SPDYE5: variants seen among roughly 807,000 people sequenced by gnomAD.
SPDYE5 encodes speedy/RINGO cell cycle regulator family member E5.
SPDYE5 carries 15 observed loss-of-function variants against 48.5 expected under a neutral mutation model. That is an observed-to-expected ratio of 0.31 (90% confidence interval 0.21 to 0.48). The LOEUF is 0.48. SPDYE5 is among the 20% of genes least tolerant of loss of function. The pLI is 0.99. For missense variants in SPDYE5, 331 were observed against 549.1 expected (o/e 0.60, Z 3.97); for synonymous variants, 116 against 200.7 (o/e 0.58, Z 3.57).
In SPDYE5 at chr7:75,494,166, C is replaced by T; in HGVS notation, c.119C>T (p.Pro40Leu). 2 of 1,535,064 alleles carry T rather than the reference C, an allele frequency of 1.3e-6. No individual in the cohort carries two copies. The highest frequency in any genetic ancestry group is 1.7e-6 in the Non-Finnish European group (2 of 1,146,732). Residue 40 changes from proline to leucine, a missense_variant, in exon 2 of 9, where the codon CCC (proline) becomes CTC (leucine). This residue lies in a region of SPDYE5 where 67 missense variants were observed against 55.7 expected (regional missense o/e 1.20). Transcript: ENST00000625065. The stretch of plus-strand genomic sequence containing the variant: ...CCCCAGCGGAGCACCTCGGGGTACC[C>T]CCTCCAGGAGGTGGTGGATGATGAA... ...QSPQRSTSGY[P>L]LQEVVDDEVL...
At chr7:75,491,836 C>G (rs1379682342), upstream of SPDYE5, among the ~76,000 whole-genome samples, 1 of 150,124 alleles carries the variant, frequency 6.7e-6, no homozygotes, top group Non-Finnish European at 1.5e-5. Context: ...CCTCGGCCTC[C>G]TAAGTAGCTG....
intron 1 of SPDYE5, among the ~76,000 whole-genome samples, chr7:75,493,316 T>C (rs1374361242): frequency 6.7e-3 from 955 of 143,544 alleles, no homozygotes; most frequent in Admixed American, 0.011. Context: ...TCAGGGGCAG[T>C]TTCCTATGAT....
intron 1 of SPDYE5, among the ~76,000 whole-genome samples, chr7:75,492,808 T>G (rs1792785147): frequency 6.6e-6 from 1 of 151,918 alleles, no homozygotes; most frequent in African/African-American, 2.4e-5. Context: ...CAAAAAAAAT[T>G]TTTTTGACAC....
At chr7:75,500,880 G>T (rs1793120790) in intron 6 of SPDYE5, among the ~76,000 whole-genome samples, 1 of 152,008 alleles carries the variant, frequency 6.6e-6, no homozygotes, top group South Asian at 2.1e-4. Context: ...GCTGATTTTT[G>T]TATTTTTAGT....
intron 5 of SPDYE5, 70 bp downstream of exon 5, chr7:75,498,066 C>G (rs1452575735): frequency 7.0e-6 from 11 of 1,572,044 alleles, no homozygotes; most frequent in Non-Finnish European, 9.5e-6. Flanking sequence ...GCTTCCAAAC[C>G]CACAGTTCTC....
In SPDYE5 at chr7:75,503,768, A is replaced by G. The variant is rs1204240445; in HGVS notation, c.*981A>G. 2 of 149,404 alleles carry G rather than the reference A, an allele frequency of 1.3e-5. No homozygotes were observed. The highest frequency in any genetic ancestry group is 1.9e-4 in the East Asian group (1 of 5,164). The allele number at this position is 149,404 out of a possible 1,614,324, so 9.3% of individuals were successfully genotyped here. A position where few individuals can be genotyped will look rare whatever the true frequency, so the allele number is the denominator to read the frequency against. Reference sequence around the variant, plus strand: ...AAAAACATGGGTATAGAATTATTTAAATATTATTTTATTTATTGAAATATT... The same window carrying G: ...AAAAACATGGGTATAGAATTATTTAGATATTATTTTATTTATTGAAATATT... On this transcript the variant is annotated 3_prime_UTR_variant, in exon 9 of 9. Transcript: ENST00000625065.
At position 75,503,595 on chromosome 7, in the gene SPDYE5, A is replaced by G. The variant is rs1554483949; in HGVS notation, c.*808A>G. The G allele has an allele frequency of 6.6e-6, 1 of 151,490 alleles. No homozygotes were observed. Among genetic ancestry groups the G allele is most frequent in the Admixed American group, 6.6e-5 (1 of 15,202 alleles). 9.4% of individuals were successfully genotyped at this position (151,490 alleles called of 1,614,324 possible). ...TAGCTATTGGTAGTTCCCCACCACA[A>G]AAAAAACATAATTCTGGTGATAGAA... On this transcript the variant is annotated 3_prime_UTR_variant, in exon 9 of 9. Coordinates refer to ENST00000625065, the MANE Select transcript of SPDYE5 (RefSeq NM_001306141.4).
upstream of SPDYE5, among the ~76,000 whole-genome samples, chr7:75,491,897 G>C (rs587711814): frequency 4.9e-4 from 74 of 151,722 alleles, no homozygotes; most frequent in African/African-American, 1.5e-3. Flanking sequence ...TGTATTTTTA[G>C]TAGAGACGGA....
intron 8 of SPDYE5, 86 bp from the exon 9 acceptor site, chr7:75,502,747 A>C: frequency 9.3e-7 from 1 of 1,078,936 alleles, no homozygotes; most frequent in Non-Finnish European, 1.2e-6. Context: ...ATTGCTCTGA[A>C]CTCTAGACTT....
intron 6 of SPDYE5, among the ~76,000 whole-genome samples, chr7:75,499,722 G>A (rs1447117302): frequency 8.2e-5 from 11 of 134,110 alleles, no homozygotes; most frequent in African/African-American, 2.9e-4. Flanking sequence ...AGCTAAGGTC[G>A]AGCCACCGCA....
Position 75,502,347 on chromosome 7 carries a change from A to T in SPDYE5, c.*45+365A>T, listed in dbSNP as rs190267671. 3.6e-3 allele frequency among the ~76,000 whole-genome samples: 545 copies of T among 151,582 alleles called. 2 individuals carry two copies. The highest frequency in any genetic ancestry group is 0.012 in the African/African-American group (515 of 41,216). ...CCGATTTGGGTCGAGGGTTCAGTGA[A>T]GCTTTGGTTTACATCTTGTGCAGCT... On this transcript the variant is annotated intron_variant, in intron 8 of 8. Transcript: ENST00000625065.
At position 75,501,920 on chromosome 7, in the gene SPDYE5, C is replaced by T. The variant is rs782723555; in HGVS notation, c.1192C>T (p.Arg398Cys). The change falls in exon 8 of 9, where the codon CGC becomes TGC. Residue 398 changes from arginine (R) to cysteine (C), a missense_variant. Transcript: ENST00000625065. ...AGAGCACTGGGTGTGGGCGCGAGAT[C>T]GCGCTCACCTTTCCTAGAGCTCCAG... ...DPEHWVWARD[R>C]AHLS is the part of the protein sequence containing the mutation. 1.3e-5 allele frequency: 21 copies of T among 1,609,854 alleles called. No homozygotes were observed. The highest frequency in any genetic ancestry group is 2.2e-5 in the East Asian group (1 of 44,812).
At position 75,504,224 on chromosome 7, in the gene SPDYE5, A is replaced by G. The variant is rs1793247472; in HGVS notation, c.*1437A>G. ...AAGAGGATGTGTGTTCTAAAGGAGGACATGAGCTGTGTGTTTTCAAGAGAA... is the reference window on the plus strand; with the variant it reads ...AAGAGGATGTGTGTTCTAAAGGAGGGCATGAGCTGTGTGTTTTCAAGAGAA... On this transcript the variant is annotated 3_prime_UTR_variant, in exon 9 of 9. Coordinates refer to ENST00000625065, the MANE Select transcript of SPDYE5 (RefSeq NM_001306141.4). The G allele has an allele frequency of 6.6e-6, 1 of 151,970 alleles. No individual in the cohort carries two copies. The highest frequency in any genetic ancestry group is 2.4e-5 in the African/African-American group (1 of 41,390). The allele number at this position is 151,970 out of a possible 1,614,324, so 9.4% of individuals were successfully genotyped here.
chr7:75,500,695 G>A (rs587655142), intron 6 of SPDYE5, among the ~76,000 whole-genome samples: 1 of 151,902 alleles, frequency 6.6e-6, no homozygotes, highest in Non-Finnish European at 1.5e-5. Context: ...CACCACACCT[G>A]GACTGTTTGT....
At chr7:75,498,076 C>G (rs1208403936) in intron 5 of SPDYE5, 80 bp downstream of exon 5, 1 of 1,483,248 alleles carries the variant, frequency 6.7e-7, no homozygotes, top group African/African-American at 1.4e-5. Context: ...CCACAGTTCT[C>G]CCTCCACCAC....
Position 75,503,144 on chromosome 7 carries a change from G to C in SPDYE5, c.*357G>C. ...CAACCTCCCTGGGGCGGAACCTGGAGGTCCTGTTTCTTATGGACTTGGTTA... is the reference window on the plus strand; with the variant it reads ...CAACCTCCCTGGGGCGGAACCTGGACGTCCTGTTTCTTATGGACTTGGTTA... On this transcript the variant is annotated 3_prime_UTR_variant, in exon 9 of 9. Transcript: ENST00000625065. 1 of 444,770 alleles carries C rather than the reference G, an allele frequency of 2.2e-6. No individual in the cohort carries two copies. The highest frequency in any genetic ancestry group is 4.4e-6 in the Non-Finnish European group (1 of 225,388). The allele number at this position is 444,770 out of a possible 1,614,324, so 27.6% of individuals were successfully genotyped here.
intron 4 of SPDYE5, among the ~76,000 whole-genome samples, chr7:75,497,377 G>A (rs1326840872): frequency 7.3e-5 from 11 of 151,164 alleles, no homozygotes; most frequent in South Asian, 2.1e-4. Context: ...AGGTTGCAGC[G>A]AGCCAAGATC....
chr7:75,493,990 T>C lies in SPDYE5; in HGVS notation c.-58T>C. The stretch of plus-strand genomic sequence containing the variant: ...GCTGTTCTCCACTCCTGACTTCTCC[T>C]AGGCTTGAGAATTGATAACATACTC... On this transcript the variant is annotated 5_prime_UTR_variant, in exon 2 of 9. Coordinates refer to ENST00000625065, the MANE Select transcript of SPDYE5 (RefSeq NM_001306141.4). 1 of 1,510,802 alleles carries C rather than the reference T, an allele frequency of 6.6e-7. No individual in the cohort carries two copies. The highest frequency in any genetic ancestry group is 2.5e-5 in the East Asian group (1 of 40,214). 93.6% of individuals were successfully genotyped at this position (1,510,802 alleles called of 1,614,324 possible). A position where few individuals can be genotyped will look rare whatever the true frequency, so the allele number is the denominator to read the frequency against.
Position 75,492,405 on chromosome 7 carries a change from C to A in SPDYE5, c.-458C>A, listed in dbSNP as rs1300097956. Among the ~76,000 whole-genome samples, 2 of 152,076 alleles carry A rather than the reference C, an allele frequency of 1.3e-5. No individual in the cohort carries two copies. Among genetic ancestry groups the A allele is most frequent in the African/African-American group, 4.8e-5 (2 of 41,410 alleles). On this transcript the variant is annotated 5_prime_UTR_variant, in exon 1 of 9. Transcript: ENST00000625065. ...GAGCGAGAGACTCCTAGGAAAGCAG[C>A]AGCCCATTAGGAAAACGTGTGGGAA...
Sources: allele counts gnomAD v4.1 joint callset (sites outside exome capture counted in the v4.1 genomes callset), GRCh38; gene constraint gnomAD v4.1.1; regional missense constraint gnomAD v4.1.1; transcripts MANE v1.5; gene names NCBI Gene and HGNC (gene_info 2026-07-23, HGNC 2026-07-21).